ENTREP2: variants seen among roughly 807,000 people sequenced by gnomAD.
The protein encoded by ENTREP2 is endosomal transmembrane epsin interactor 2, also known as protein ENTREP2.
the ENTREP2 span, among the ~76,000 whole-genome samples, chr15:29,142,294 A>G: frequency 6.6e-6 from 1 of 152,206 alleles, no homozygotes; most frequent in Non-Finnish European, 1.5e-5. Flanking sequence ...AAATGAGATG[A>G]CTGGTTGACA....
the ENTREP2 span, among the ~76,000 whole-genome samples, chr15:29,287,607 A>T: frequency 6.6e-6 from 1 of 152,238 alleles, no homozygotes; most frequent in Non-Finnish European, 1.5e-5. Flanking sequence ...ACATTATAAA[A>T]CAATATTGAG....
At chr15:29,308,753 T>C in the ENTREP2 span, among the ~76,000 whole-genome samples, 1 of 152,200 alleles carries the variant, frequency 6.6e-6, no homozygotes, top group Non-Finnish European at 1.5e-5. Context: ...AGCTCTGGCA[T>C]ACTGTTTTCA....
chr15:29,320,822 CA>C, the ENTREP2 span, among the ~76,000 whole-genome samples: 1 of 151,922 alleles, frequency 6.6e-6, no homozygotes, highest in Admixed American at 6.6e-5. Flanking sequence ...ACAAATGTCC[CA>C]AACTAAAGTG....
the ENTREP2 span, among the ~76,000 whole-genome samples, chr15:29,656,360 G>A: frequency 2.0e-5 from 3 of 152,032 alleles, no homozygotes; most frequent in African/African-American, 7.2e-5. Flanking sequence ...CGAGTAGCTG[G>A]GACTACAGAC....
chr15:29,179,745 TA>T, the ENTREP2 span, among the ~76,000 whole-genome samples: 1 of 114,506 alleles, frequency 8.7e-6, no homozygotes, highest in Non-Finnish European at 1.7e-5. Flanking sequence ...CACGCCCGGC[TA>T]ATTTTTTTTT....
At chr15:29,273,362 CT>C in the ENTREP2 span, among the ~76,000 whole-genome samples, 1 of 151,936 alleles carries the variant, frequency 6.6e-6, no homozygotes, top group Non-Finnish European at 1.5e-5. Context: ...CCACGTCTGG[CT>C]TTTTTTGTAT....
the ENTREP2 span, among the ~76,000 whole-genome samples, chr15:29,486,465 C>G: frequency 6.6e-6 from 1 of 152,104 alleles, no homozygotes; most frequent in Non-Finnish European, 1.5e-5. Context: ...CCGAGGTGGG[C>G]AGATCACTTG....
the ENTREP2 span, among the ~76,000 whole-genome samples, chr15:29,580,641 G>A: frequency 6.6e-6 from 1 of 152,098 alleles, no homozygotes; most frequent in African/African-American, 2.4e-5. Context: ...TAGGAGGAAA[G>A]GTGAGATCTA....
chr15:29,377,586 G>A, the ENTREP2 span, among the ~76,000 whole-genome samples: 26 of 152,112 alleles, frequency 1.7e-4, no homozygotes, highest in Non-Finnish European at 3.1e-4. Flanking sequence ...CACTTTGGGA[G>A]GCCAAGGTGG....
chr15:29,585,009 A>AGATAGAT, the ENTREP2 span, among the ~76,000 whole-genome samples: 1 of 151,638 alleles, frequency 6.6e-6, no homozygotes, highest in East Asian at 1.9e-4. Context: ...ATAGATAGAT[A>AGATAGAT]GATAGATAGA....
the ENTREP2 span, among the ~76,000 whole-genome samples, chr15:29,214,506 G>A: frequency 3.9e-5 from 6 of 152,148 alleles, no homozygotes; most frequent in Non-Finnish European, 8.8e-5. Flanking sequence ...CTTGGACACA[G>A]GAAGGGGAAT....
chr15:29,309,832 G>A, the ENTREP2 span, among the ~76,000 whole-genome samples: 1 of 151,386 alleles, frequency 6.6e-6, no homozygotes, highest in East Asian at 1.9e-4. Context: ...TATCCCATAG[G>A]ACGACTGTGA....
At chr15:29,233,850 T>C in the ENTREP2 span, 1 of 1,582,652 alleles carries the variant, frequency 6.3e-7, no homozygotes, top group Admixed American at 1.7e-5. Context: ...GAATGAGGGC[T>C]TTCTGTGGGA....
chr15:29,119,735 C>T, the ENTREP2 span, among the ~76,000 whole-genome samples: 1 of 142,122 alleles, frequency 7.0e-6, no homozygotes, highest in African/African-American at 2.9e-5. Flanking sequence ...GGCCAACAAA[C>T]AAGAATGCCA....
chr15:29,490,221 T>C, the ENTREP2 span, among the ~76,000 whole-genome samples: 26 of 152,276 alleles, frequency 1.7e-4, no homozygotes, highest in African/African-American at 6.3e-4. Context: ...TTCGGACATG[T>C]TGGGAGTTTC....
chr15:29,441,365 G>A, the ENTREP2 span, among the ~76,000 whole-genome samples: 2 of 152,148 alleles, frequency 1.3e-5, no homozygotes, highest in Admixed American at 1.3e-4. Context: ...TTCAGTTGGG[G>A]AAGATGAAAA....
the ENTREP2 span, among the ~76,000 whole-genome samples, chr15:29,457,759 G>A: frequency 2.0e-5 from 3 of 152,224 alleles, no homozygotes; most frequent in African/African-American, 7.2e-5. Context: ...ACACTCGAGA[G>A]AAACTTCTGC....
chr15:29,611,636 C>T, the ENTREP2 span, among the ~76,000 whole-genome samples: 1 of 152,078 alleles, frequency 6.6e-6, no homozygotes, highest in East Asian at 1.9e-4. Context: ...GCTGGCTCCT[C>T]TCTTCTTCCC....
the ENTREP2 span, among the ~76,000 whole-genome samples, chr15:29,632,574 G>A: frequency 0.016 from 2,404 of 152,244 alleles, 71 homozygotes; most frequent in African/African-American, 0.055. Flanking sequence ...CTCACATCAG[G>A]AGTTCAAGAC....
Sources: allele counts gnomAD v4.1 joint callset (sites outside exome capture counted in the v4.1 genomes callset), GRCh38; gene constraint gnomAD v4.1.1; transcripts MANE v1.5; gene names NCBI Gene and HGNC (gene_info 2026-07-23, HGNC 2026-07-21).